Variants in CNTNAP5 observed in about 807,000 individuals in gnomAD.
The protein encoded by CNTNAP5 is contactin associated protein family member 5.
CNTNAP5 carries 72 observed loss-of-function variants against 150.2 expected under a neutral mutation model. The ratio of observed to expected loss-of-function variants is 0.48; its 90% CI spans 0.40 to 0.58. The LOEUF (loss-of-function observed/expected upper bound fraction) is 0.58. Ranked by LOEUF, CNTNAP5 falls within the 20% of genes least tolerant of loss-of-function variation. CNTNAP5 has a pLI of 0.00. For missense variants in CNTNAP5, 1,636 were observed against 1,626.2 expected, an observed-to-expected ratio of 1.01 and a Z score of -0.10; for synonymous variants, 672 against 619.8, an observed-to-expected ratio of 1.08 and a Z score of -1.25.
intron 1 of CNTNAP5, among the ~76,000 whole-genome samples, chr2:124,071,296 A>T (rs1288359287): frequency 6.6e-6 from 1 of 151,972 alleles, no homozygotes; most frequent in African/African-American, 2.4e-5. Context: ...CATGTTAGAG[A>T]ACTAGAAAAG....
chr2:124,464,630 GA>G (rs1240491134), intron 6 of CNTNAP5, among the ~76,000 whole-genome samples: 1 of 152,150 alleles, frequency 6.6e-6, no homozygotes, highest in Non-Finnish European at 1.5e-5. Context: ...GCAAGATTTG[GA>G]AAGCCATCGT....
Position 124,754,737 on chromosome 2 carries a change from A to C in CNTNAP5, c.2234+7352A>C, listed in dbSNP as rs2045090. On this transcript the variant is annotated intron_variant, in intron 14 of 23. Coordinates refer to ENST00000682447, the MANE Select transcript of CNTNAP5 (RefSeq NM_001367498.1). ...GAATCTCACTCTGTCACCCAGGCTC[A>C]AGTGCAGTGGTGTGATCTTGGCTCA... is the stretch of plus-strand genomic sequence containing the variant. 3.0e-3 allele frequency among the ~76,000 whole-genome samples: 454 copies of C among 152,074 alleles called. 1 individual carries two copies. The highest frequency in any genetic ancestry group is 4.7e-3 in the Non-Finnish European group (318 of 68,014).
intron 3 of CNTNAP5, among the ~76,000 whole-genome samples, chr2:124,276,754 C>T (rs1386429306): frequency 6.6e-6 from 1 of 152,146 alleles, no homozygotes; most frequent in Non-Finnish European, 1.5e-5. Context: ...TTAAGTATTA[C>T]ACATTTAAAG....
At chr2:124,037,458 T>C (rs1472600931) in intron 1 of CNTNAP5, among the ~76,000 whole-genome samples, 3 of 150,896 alleles carry the variant, frequency 2.0e-5, no homozygotes, top group African/African-American at 5.0e-5. Flanking sequence ...GATTAATGGA[T>C]AAAAAGTGCA....
chr2:124,330,212 G>T lies in CNTNAP5; in HGVS notation c.382-87231G>T, dbSNP rs527349111. Among the ~76,000 whole-genome samples the T allele has an allele frequency of 4.6e-5, 7 of 152,210 alleles. No homozygotes were observed. The East Asian group carries it at 1.4e-3, about 29-fold the overall frequency. ...CTATAGCTTTATAATATCAACCTCA[G>T]TTCCTCAAAGCTGTCTACTCATATT... is the stretch of plus-strand genomic sequence containing the variant. On this transcript the variant is annotated intron_variant, in intron 3 of 23. Transcript: ENST00000682447.
At chr2:124,541,191 T>TTTTTG (rs1695375628) in intron 10 of CNTNAP5, among the ~76,000 whole-genome samples, 1 of 148,636 alleles carries the variant, frequency 6.7e-6, no homozygotes, top group Non-Finnish European at 1.5e-5. Flanking sequence ...TTTTTTTTTT[T>TTTTTG]TTTTTGGTGA....
intron 12 of CNTNAP5, among the ~76,000 whole-genome samples, chr2:124,638,230 CATATATATG>C (rs1437993520): frequency 6.7e-6 from 1 of 149,832 alleles, no homozygotes; most frequent in Admixed American, 6.7e-5. Flanking sequence ...ATATATGATA[CATATATATG>C]TAACTTCTCT....
chr2:124,126,371 C>G (rs1324556509), intron 1 of CNTNAP5, among the ~76,000 whole-genome samples: 1 of 152,142 alleles, frequency 6.6e-6, no homozygotes, highest in Non-Finnish European at 1.5e-5. Context: ...GAAGTTGAAT[C>G]TCTGAATAGA....
chr2:124,380,801 T>C (rs1690772665), intron 3 of CNTNAP5, among the ~76,000 whole-genome samples: 1 of 151,970 alleles, frequency 6.6e-6, no homozygotes, highest in African/African-American at 2.4e-5. Context: ...AGAGCAGCAA[T>C]CAAAACAGCC....
Position 124,846,521 on chromosome 2 carries a change from G to A in CNTNAP5, c.3218-18785G>A, listed in dbSNP as rs371689965. On this transcript the variant is annotated intron_variant, in intron 19 of 23. Coordinates refer to ENST00000682447, the MANE Select transcript of CNTNAP5 (RefSeq NM_001367498.1). The stretch of plus-strand genomic sequence containing the variant: ...TTTAATTTGGACCTCACCTTTCTCT[G>A]ATGCCTCCTTGATTAGCTTAAAAAT... 1.9e-3 allele frequency among the ~76,000 whole-genome samples: 283 copies of A among 152,138 alleles called. 4 individuals carry two copies. The highest frequency in any genetic ancestry group is 6.4e-3 in the African/African-American group (267 of 41,502).
intron 3 of CNTNAP5, among the ~76,000 whole-genome samples, chr2:124,364,864 C>T (rs185328946): frequency 6.6e-6 from 1 of 150,444 alleles, no homozygotes; most frequent in East Asian, 1.9e-4. Flanking sequence ...CAGAGCAGAG[C>T]AGTGTGCTTA....
chr2:124,782,376 A>G (rs1482784204), intron 17 of CNTNAP5, among the ~76,000 whole-genome samples: 1 of 152,124 alleles, frequency 6.6e-6, no homozygotes, highest in Non-Finnish European at 1.5e-5. Context: ...CCTTGTTATT[A>G]TTGTTATTCT....
At chr2:124,655,178 T>C (rs1315906764) in intron 13 of CNTNAP5, among the ~76,000 whole-genome samples, 2 of 152,108 alleles carry the variant, frequency 1.3e-5, no homozygotes, top group East Asian at 1.9e-4. Context: ...CAGTGTGTGA[T>C]GTTTCCCTCC....
intron 13 of CNTNAP5, among the ~76,000 whole-genome samples, chr2:124,703,929 G>A (rs1679578713): frequency 6.6e-6 from 1 of 152,178 alleles, no homozygotes; most frequent in African/African-American, 2.4e-5. Flanking sequence ...AAGTGTCCTA[G>A]ATTTAGATAT....
chr2:124,668,436 C>T (rs1176800833), intron 13 of CNTNAP5, among the ~76,000 whole-genome samples: 1 of 152,112 alleles, frequency 6.6e-6, no homozygotes, highest in Non-Finnish European at 1.5e-5. Context: ...TGTGTTGAAT[C>T]ATTACTGTAA....
chr2:124,785,703 G>T (rs1401225803), intron 17 of CNTNAP5, among the ~76,000 whole-genome samples: 1 of 152,188 alleles, frequency 6.6e-6, no homozygotes, highest in African/African-American at 2.4e-5. Context: ...GGTAAGGGGA[G>T]GCCAGATCTC....
chr2:124,375,188 G>T (rs1036409945), intron 3 of CNTNAP5, among the ~76,000 whole-genome samples: 2 of 151,910 alleles, frequency 1.3e-5, no homozygotes, highest in Non-Finnish European at 2.9e-5. Context: ...GAAAATTTCA[G>T]GAGAGACAAG....
intron 3 of CNTNAP5, among the ~76,000 whole-genome samples, chr2:124,262,539 T>C (rs1399431825): frequency 6.6e-6 from 1 of 152,204 alleles, no homozygotes; most frequent in Non-Finnish European, 1.5e-5. Context: ...GTTCACCTTT[T>C]ACTTCTAAAT....
At chr2:124,272,189 A>T (rs1330193907) in intron 3 of CNTNAP5, among the ~76,000 whole-genome samples, 2 of 152,180 alleles carry the variant, frequency 1.3e-5, no homozygotes, top group African/African-American at 4.8e-5. Flanking sequence ...GCTAACATCA[A>T]AAATTAAGCA....
Sources: allele counts gnomAD v4.1 joint callset (sites outside exome capture counted in the v4.1 genomes callset), GRCh38; gene constraint gnomAD v4.1.1; transcripts MANE v1.5; gene names NCBI Gene and HGNC (gene_info 2026-07-23, HGNC 2026-07-21).